Variants in CHRM3 observed in about 807,000 individuals in gnomAD.
CHRM3 encodes the protein cholinergic receptor muscarinic 3.
CHRM3 carries 11 observed loss-of-function variants against 41.8 expected under a neutral mutation model. The observed-to-expected ratio is 0.26, with a 90% CI of 0.17 to 0.44. The LOEUF is 0.44. Ranked by LOEUF, CHRM3 falls within the 20% of genes least tolerant of loss-of-function variation. CHRM3 has a pLI of 1.00. For missense variants in CHRM3, 571 were observed against 745.4 expected (o/e 0.77, Z 2.72); for synonymous variants, 297 against 301.4 (o/e 0.99, Z 0.15).
intron 5 of CHRM3, among the ~76,000 whole-genome samples, chr1:239,771,014 G>T (rs538037546): frequency 6.6e-6 from 1 of 151,694 alleles, no homozygotes; most frequent in African/African-American, 2.4e-5. Flanking sequence ...CTTTAACCTG[G>T]GAGGCAGAGG....
At chr1:239,787,412 C>T (rs541804885) in intron 5 of CHRM3, among the ~76,000 whole-genome samples, 8 of 132,526 alleles carry the variant, frequency 6.0e-5, no homozygotes, top group East Asian at 4.8e-4. Context: ...AAGCAGAAGC[C>T]GTGTAGAAGC....
intron 4 of CHRM3, among the ~76,000 whole-genome samples, chr1:239,655,619 A>G (rs1672643257): frequency 6.6e-6 from 1 of 152,162 alleles, no homozygotes; most frequent in Non-Finnish European, 1.5e-5. Context: ...TTTTAAGCCA[A>G]GGATTGGGTG....
At chr1:239,900,377 C>CTTTTTTTTTTTTTTTTT (rs10567817) in intron 6 of CHRM3, among the ~76,000 whole-genome samples, 1 of 130,390 alleles carries the variant, frequency 7.7e-6, no homozygotes. Flanking sequence ...TTTAGATATT[C>CTTTTTTTTTTTTTTTTT]TTTTTTTTTT....
At chr1:239,542,507 C>T (rs1413599980) in intron 2 of CHRM3, among the ~76,000 whole-genome samples, 1 of 152,170 alleles carries the variant, frequency 6.6e-6, no homozygotes, top group African/African-American at 2.4e-5. Context: ...GTTAGTAAAT[C>T]TTGCGTACCT....
intron 4 of CHRM3, among the ~76,000 whole-genome samples, chr1:239,677,366 T>G (rs1042849414): frequency 6.6e-6 from 1 of 152,216 alleles, no homozygotes; most frequent in South Asian, 2.1e-4. Flanking sequence ...ATCGGTAAAG[T>G]GGGTGATTCT....
intron 5 of CHRM3, among the ~76,000 whole-genome samples, chr1:239,717,362 G>A (rs1351309745): frequency 6.6e-6 from 1 of 152,042 alleles, no homozygotes; most frequent in African/African-American, 2.4e-5. Flanking sequence ...TTCACAGAGA[G>A]TAGTGGGGAC....
chr1:239,389,586 G>C (rs1431187096), intron 1 of CHRM3, among the ~76,000 whole-genome samples: 1 of 152,102 alleles, frequency 6.6e-6, no homozygotes, highest in Admixed American at 6.6e-5. Flanking sequence ...TTGAAAGAGG[G>C]CATGGAAAAA....
intron 5 of CHRM3, among the ~76,000 whole-genome samples, chr1:239,729,046 C>G (rs890043415): frequency 6.6e-6 from 1 of 151,868 alleles, no homozygotes; most frequent in African/African-American, 2.4e-5. Flanking sequence ...CATAAGAACT[C>G]ACTGTGTTGA....
At chr1:239,538,145 G>C (rs1658391185) in intron 2 of CHRM3, among the ~76,000 whole-genome samples, 2 of 152,208 alleles carry the variant, frequency 1.3e-5, no homozygotes, top group Admixed American at 1.3e-4. Context: ...GCAGGAGCAT[G>C]TAATGGCTAA....
chr1:239,834,511 A>G (rs537315057), intron 6 of CHRM3, among the ~76,000 whole-genome samples: 68 of 152,030 alleles, frequency 4.5e-4, no homozygotes, highest in Non-Finnish European at 8.7e-4. Flanking sequence ...ATACCCAGCC[A>G]CTAAGCAATC....
chr1:239,658,076 TTCTA>T (rs1181398374), intron 4 of CHRM3, among the ~76,000 whole-genome samples: 1 of 152,216 alleles, frequency 6.6e-6, no homozygotes, highest in Non-Finnish European at 1.5e-5. Context: ...CTTTTAATGG[TTCTA>T]TCTCTCAAAG....
At chr1:239,736,053 A>G (rs1198784546) in intron 5 of CHRM3, among the ~76,000 whole-genome samples, 1 of 152,052 alleles carries the variant, frequency 6.6e-6, no homozygotes, top group Non-Finnish European at 1.5e-5. Context: ...AACCCACCCT[A>G]ATGTTATTAT....
chr1:239,807,531 G>A (rs1249380533), intron 5 of CHRM3, among the ~76,000 whole-genome samples: 1 of 152,196 alleles, frequency 6.6e-6, no homozygotes, highest in Non-Finnish European at 1.5e-5. Flanking sequence ...GAAGTGAATG[G>A]AAAATGTTGC....
chr1:239,667,230 T>A (rs1673897895), intron 4 of CHRM3, among the ~76,000 whole-genome samples: 1 of 152,208 alleles, frequency 6.6e-6, no homozygotes, highest in Non-Finnish European at 1.5e-5. Context: ...CAGTCTTTCC[T>A]AAAATCCATA....
chr1:239,655,325 C>A (rs1672618612), intron 4 of CHRM3, among the ~76,000 whole-genome samples: 1 of 152,210 alleles, frequency 6.6e-6, no homozygotes, highest in South Asian at 2.1e-4. Context: ...AAAGTCAAGT[C>A]AAACTGTTTC....
chr1:239,675,512 C>G (rs941378426), intron 4 of CHRM3, among the ~76,000 whole-genome samples: 4 of 152,184 alleles, frequency 2.6e-5, no homozygotes, highest in African/African-American at 9.7e-5. Flanking sequence ...TGGATTTTGT[C>G]TGTCTCATAC....
chr1:239,433,582 C>T (rs1356826935), intron 1 of CHRM3, among the ~76,000 whole-genome samples: 1 of 151,986 alleles, frequency 6.6e-6, no homozygotes, highest in Non-Finnish European at 1.5e-5. Flanking sequence ...TACACTGAAC[C>T]CAATTTGTAG....
intron 3 of CHRM3, among the ~76,000 whole-genome samples, chr1:239,627,311 A>G (rs1260998950): frequency 0.014 from 1,445 of 105,156 alleles, no homozygotes; most frequent in African/African-American, 0.018. Flanking sequence ...TTTATCAGAG[A>G]CTAGGATTGC....
At chr1:239,551,538 G>C (rs1303050169) in intron 3 of CHRM3, among the ~76,000 whole-genome samples, 1 of 149,498 alleles carries the variant, frequency 6.7e-6, no homozygotes. Context: ...AAAAAAAAAG[G>C]CCTCTGTGTC....
Sources: allele counts gnomAD v4.1 joint callset (sites outside exome capture counted in the v4.1 genomes callset), GRCh38; gene constraint gnomAD v4.1.1; transcripts MANE v1.5; gene names NCBI Gene and HGNC (gene_info 2026-07-23, HGNC 2026-07-21).